FRMD3: variants seen among roughly 807,000 people sequenced by gnomAD.
FRMD3 encodes FERM domain-containing protein 3.
A neutral mutation model predicts 70.2 loss-of-function variants in FRMD3; 33 were observed. The ratio of observed to expected loss-of-function variants is 0.47; its 90% CI spans 0.36 to 0.63. The LOEUF (loss-of-function observed/expected upper bound fraction) is 0.63. Ranked by LOEUF, FRMD3 falls within the 20% of genes least tolerant of loss-of-function variation. The pLI is 0.00. For synonymous variants in FRMD3, 279 were observed against 255.9 expected (o/e 1.09, Z -0.86); for missense variants, 632 against 711.4 (o/e 0.89, Z 1.27).
At chr9:83,449,088 G>T (rs1255160072) in intron 1 of FRMD3, among the ~76,000 whole-genome samples, 2 of 152,082 alleles carry the variant, frequency 1.3e-5, no homozygotes, top group Non-Finnish European at 2.9e-5. Context: ...ATGTCCTAGG[G>T]GTCTCACTGG....
chr9:83,461,041 G>A (rs2131437947), intron 1 of FRMD3, among the ~76,000 whole-genome samples: 1 of 152,224 alleles, frequency 6.6e-6, no homozygotes, highest in African/African-American at 2.4e-5. Flanking sequence ...AATAGGGTCA[G>A]AGGAAGAGCA....
Position 83,264,912 on chromosome 9 carries a change from T to C in FRMD3, c.1196-16396A>G, listed in dbSNP as rs148190552. 6.9e-3 allele frequency among the ~76,000 whole-genome samples: 1,046 copies of C among 151,980 alleles called. 15 individuals carry two copies. Among genetic ancestry groups the C allele is most frequent in the African/African-American group, 0.024 (976 of 41,484 alleles). On this transcript the variant is annotated intron_variant, in intron 13 of 13. Coordinates refer to ENST00000304195, the MANE Select transcript of FRMD3 (RefSeq NM_174938.6). ...AAAAAAAATTAGATACCACGTGAAA[T>C]TGCCAATTTTGAAGGTCATAAGCAG... is the stretch of plus-strand genomic sequence containing the variant.
At chr9:83,335,804 T>A (rs1282828465) in intron 5 of FRMD3, among the ~76,000 whole-genome samples, 165 bp from the exon 6 acceptor site, 3 of 152,190 alleles carry the variant, frequency 2.0e-5, no homozygotes, top group African/African-American at 7.2e-5. Context: ...GAGGCTCATA[T>A]TCCAGTTCAG....
At chr9:83,507,897 TATTATC>T (rs1424481541) in intron 1 of FRMD3, among the ~76,000 whole-genome samples, 2 of 151,534 alleles carry the variant, frequency 1.3e-5, no homozygotes, top group South Asian at 2.1e-4. Flanking sequence ...CATAGTCATT[TATTATC>T]ATTATCAAGT....
chr9:83,243,913 A>AGAAGT (rs1403148511), downstream of FRMD3, among the ~76,000 whole-genome samples: 1 of 152,138 alleles, frequency 6.6e-6, no homozygotes, highest in Non-Finnish European at 1.5e-5. Flanking sequence ...AGGGGAGGAT[A>AGAAGT]GAAGTGGAAT....
At chr9:83,535,139 G>A (rs969854147) in intron 1 of FRMD3, among the ~76,000 whole-genome samples, 7 of 152,172 alleles carry the variant, frequency 4.6e-5, no homozygotes, top group South Asian at 2.1e-4. Flanking sequence ...CCCAAAAGAA[G>A]GGAATAATAC....
intron 3 of FRMD3, among the ~76,000 whole-genome samples, chr9:83,359,128 G>C (rs1279508469): frequency 6.6e-6 from 1 of 152,162 alleles, no homozygotes; most frequent in Non-Finnish European, 1.5e-5. Flanking sequence ...TTCCAAAGCA[G>C]AGACAGGTTT....
At chr9:83,520,145 A>G (rs1456265600) in intron 1 of FRMD3, among the ~76,000 whole-genome samples, 2 of 152,168 alleles carry the variant, frequency 1.3e-5, no homozygotes, top group African/African-American at 4.8e-5. Context: ...AGTATAATTT[A>G]AAAAAGGAAA....
chr9:83,502,128 T>C (rs966389201), intron 1 of FRMD3, among the ~76,000 whole-genome samples: 52 of 152,120 alleles, frequency 3.4e-4, no homozygotes, highest in Non-Finnish European at 4.7e-4. Context: ...GCAGTGCCAA[T>C]TAGGGAGAAC....
chr9:83,433,028 G>T (rs994186299), intron 1 of FRMD3, among the ~76,000 whole-genome samples: 3 of 152,058 alleles, frequency 2.0e-5, no homozygotes, highest in Non-Finnish European at 4.4e-5. Flanking sequence ...TAGAATTATG[G>T]CTTCTAGTTC....
chr9:83,297,130 A>G (rs764779121), intron 12 of FRMD3, among the ~76,000 whole-genome samples: 4 of 152,236 alleles, frequency 2.6e-5, no homozygotes, highest in Non-Finnish European at 4.4e-5. Flanking sequence ...TAACTTTGAG[A>G]CTCAAAAAGC....
chr9:83,561,231 C>T, the FRMD3 span, among the ~76,000 whole-genome samples: 3 of 152,200 alleles, frequency 2.0e-5, no homozygotes, highest in Non-Finnish European at 4.4e-5. Context: ...GACAGAAGCA[C>T]TGTGAGCCTT....
At chr9:83,380,590 A>C (rs900918450) in intron 2 of FRMD3, among the ~76,000 whole-genome samples, 5 of 152,182 alleles carry the variant, frequency 3.3e-5, no homozygotes, top group Admixed American at 1.3e-4. Flanking sequence ...GGGGAAAAAG[A>C]AGGTGGGTAT....
chr9:83,405,407 C>G (rs930338594), intron 1 of FRMD3, among the ~76,000 whole-genome samples: 1 of 151,964 alleles, frequency 6.6e-6, no homozygotes, highest in East Asian at 1.9e-4. Flanking sequence ...AGCTGGGTCC[C>G]CTAAAAGTTG....
chr9:83,390,707 C>CAT, intron 1 of FRMD3, among the ~76,000 whole-genome samples: 1 of 152,194 alleles, frequency 6.6e-6, no homozygotes, highest in East Asian at 1.9e-4. Flanking sequence ...TCTAAGCCCT[C>CAT]ATCAGGATAT....
intron 12 of FRMD3, among the ~76,000 whole-genome samples, chr9:83,295,560 C>G (rs1434215321): frequency 6.6e-6 from 1 of 152,116 alleles, no homozygotes; most frequent in African/African-American, 2.4e-5. Context: ...AGAAGTTGGG[C>G]AAAGTGATGT....
chr9:83,554,590 G>A, the FRMD3 span, among the ~76,000 whole-genome samples: 24 of 152,234 alleles, frequency 1.6e-4, no homozygotes, highest in Admixed American at 3.9e-4. Context: ...AGACAGACTG[G>A]CCTCCTCTTC....
chr9:83,310,649 G>T, intron 8 of FRMD3, 101 bp from the exon 9 acceptor site: 1 of 818,380 alleles, frequency 1.2e-6, no homozygotes, highest in Non-Finnish European at 2.0e-6. Context: ...CAGGCAGATT[G>T]CAGTGAAACA....
intron 3 of FRMD3, among the ~76,000 whole-genome samples, 166 bp from the exon 4 acceptor site, chr9:83,349,923 C>T (rs904704621): frequency 5.3e-5 from 8 of 152,060 alleles, no homozygotes; most frequent in East Asian, 1.9e-4. Context: ...GAAAACAAAG[C>T]GACAGCAACA....
Sources: gnomAD v4.1 joint callset for allele counts (sites outside exome capture counted in the v4.1 genomes callset) on GRCh38, gnomAD v4.1.1 for gene constraint, MANE v1.5 for transcripts, NCBI Gene and HGNC (gene_info 2026-07-23, HGNC 2026-07-21) for gene names.